Variants in KCNIP4 observed in about 807,000 individuals in gnomAD.
KCNIP4 encodes the protein potassium voltage-gated channel interacting protein 4.
KCNIP4 carries 12 observed loss-of-function variants against 34.0 expected under a neutral mutation model. That is an observed-to-expected ratio of 0.35 (90% CI 0.23 to 0.57). KCNIP4 has a LOEUF of 0.57. Among genes scored for constraint, KCNIP4 ranks in the 20% least tolerant of loss-of-function variants. KCNIP4 has a pLI of 0.83. For synonymous variants in KCNIP4, 124 were observed against 102.2 expected (o/e 1.21, Z -1.29); for missense variants, 238 against 311.7 (o/e 0.76, Z 1.78).
Position 21,736,884 on chromosome 4 carries a change from T to C in KCNIP4, c.61+211687A>G, listed in dbSNP as rs540580158. On this transcript the variant is annotated intron_variant, in intron 1 of 8. Coordinates refer to ENST00000382152, the MANE Select transcript of KCNIP4 (RefSeq NM_025221.6). ...CTTTGATTTACTAAATATGGTCAGC[T>C]AGAACAGAATTTTCCTTTTGGTTTT... Among the ~76,000 whole-genome samples, 4 of 152,328 alleles carry C rather than the reference T, an allele frequency of 2.6e-5. No individual in the cohort carries two copies. In the South Asian group the frequency reaches 8.3e-4, roughly 32 times the overall value.
chr4:21,587,805 G>A (rs1436058750), intron 1 of KCNIP4, among the ~76,000 whole-genome samples: 3 of 152,024 alleles, frequency 2.0e-5, no homozygotes, highest in Non-Finnish European at 4.4e-5. Context: ...TATTGTCAGA[G>A]TGGGAGGAAA....
chr4:21,637,530 C>G (rs1393105756), intron 1 of KCNIP4, among the ~76,000 whole-genome samples: 1 of 151,948 alleles, frequency 6.6e-6, no homozygotes, highest in Non-Finnish European at 1.5e-5. Flanking sequence ...AGCATGTAAT[C>G]CCAGCACTTT....
intron 3 of KCNIP4, among the ~76,000 whole-genome samples, chr4:20,812,230 A>C (rs902835801): frequency 1.3e-5 from 2 of 152,182 alleles, no homozygotes; most frequent in Non-Finnish European, 2.9e-5. Context: ...GGGAGATTGG[A>C]ATATATTTCC....
chr4:21,485,847 G>A (rs938182903), intron 1 of KCNIP4, among the ~76,000 whole-genome samples: 2 of 152,094 alleles, frequency 1.3e-5, no homozygotes, highest in African/African-American at 4.8e-5. Context: ...TCTAACGAAC[G>A]ACCGTCATAA....
intron 1 of KCNIP4, among the ~76,000 whole-genome samples, chr4:21,295,093 G>T (rs1018911145): frequency 4.6e-5 from 7 of 152,106 alleles, no homozygotes; most frequent in Admixed American, 1.3e-4. Flanking sequence ...TATAAGTGTG[G>T]TATATATCCC....
At chr4:20,904,358 T>C (rs1442087684) in intron 1 of KCNIP4, among the ~76,000 whole-genome samples, 1 of 148,446 alleles carries the variant, frequency 6.7e-6, no homozygotes, top group Non-Finnish European at 1.5e-5. Context: ...TACAGATATA[T>C]AGATATATAT....
At chr4:21,760,957 T>G (rs371966407) in intron 1 of KCNIP4, among the ~76,000 whole-genome samples, 41 of 152,296 alleles carry the variant, frequency 2.7e-4, no homozygotes, top group African/African-American at 9.4e-4. Context: ...TAGGTGCTTA[T>G]GAGTCTGATA....
intron 1 of KCNIP4, among the ~76,000 whole-genome samples, chr4:21,691,544 C>A (rs145663354): frequency 1.3e-5 from 2 of 152,020 alleles, no homozygotes; most frequent in Non-Finnish European, 2.9e-5. Flanking sequence ...AGATCACAAT[C>A]GATGTATAAT....
intron 1 of KCNIP4, among the ~76,000 whole-genome samples, chr4:20,939,318 G>A (rs968007704): frequency 5.3e-5 from 8 of 151,904 alleles, no homozygotes; most frequent in Non-Finnish European, 1.0e-4. Context: ...CCAGATTTCC[G>A]ATGCTTCCCT....
chr4:21,584,830 G>A (rs1032082085), intron 1 of KCNIP4, among the ~76,000 whole-genome samples: 2 of 152,052 alleles, frequency 1.3e-5, no homozygotes, highest in Non-Finnish European at 2.9e-5. Context: ...AGAAAAGTGC[G>A]AATTTGAAGG....
chr4:21,612,156 TA>T (rs1035729422), intron 1 of KCNIP4, among the ~76,000 whole-genome samples: 54 of 152,170 alleles, frequency 3.5e-4, no homozygotes, highest in African/African-American at 1.0e-3. Context: ...TGATTTTTTT[TA>T]AAAAAAGGAG....
At chr4:21,065,482 T>C (rs927570256) in intron 1 of KCNIP4, among the ~76,000 whole-genome samples, 7 of 152,026 alleles carry the variant, frequency 4.6e-5, no homozygotes, top group Non-Finnish European at 8.8e-5. Context: ...GTATCTCAAA[T>C]ACTAAAAAAA....
At chr4:21,893,808 C>T (rs116224131) in intron 1 of KCNIP4, among the ~76,000 whole-genome samples, 1,859 of 152,182 alleles carry the variant, frequency 0.012, 46 homozygotes, top group African/African-American at 0.043. Flanking sequence ...GCTGTAGTTG[C>T]ATGGTATTTT....
chr4:21,014,199 G>C (rs1739300103), intron 1 of KCNIP4, among the ~76,000 whole-genome samples: 1 of 152,132 alleles, frequency 6.6e-6, no homozygotes, highest in South Asian at 2.1e-4. Context: ...AACATGATCA[G>C]GATTTATCTT....
intron 1 of KCNIP4, among the ~76,000 whole-genome samples, chr4:21,938,738 C>T (rs752928225): frequency 6.6e-5 from 10 of 152,158 alleles, no homozygotes; most frequent in African/African-American, 2.4e-4. Flanking sequence ...GTATTTAGCA[C>T]GTGGCTTTGA....
intron 1 of KCNIP4, among the ~76,000 whole-genome samples, chr4:21,775,316 G>C (rs1033337191): frequency 2.6e-5 from 4 of 152,130 alleles, no homozygotes; most frequent in Non-Finnish European, 5.9e-5. Context: ...GGCTGGAAAA[G>C]AGCAAAGATG....
At chr4:21,101,080 C>T (rs1301136097) in intron 1 of KCNIP4, among the ~76,000 whole-genome samples, 2 of 152,100 alleles carry the variant, frequency 1.3e-5, no homozygotes, top group African/African-American at 2.4e-5. Flanking sequence ...AACATTGTGC[C>T]TAATAAGTAA....
At chr4:21,699,565 T>G (rs1009665273) in intron 1 of KCNIP4, among the ~76,000 whole-genome samples, 1 of 152,126 alleles carries the variant, frequency 6.6e-6, no homozygotes, top group East Asian at 1.9e-4. Flanking sequence ...AAGAAGGAAC[T>G]GACCGTGAGA....
intron 1 of KCNIP4, among the ~76,000 whole-genome samples, chr4:21,235,582 C>A (rs2109034473): frequency 6.6e-6 from 1 of 152,260 alleles, no homozygotes; most frequent in East Asian, 1.9e-4. Context: ...TAGTATGACC[C>A]ACTCCGTCCT....
Sources: gnomAD v4.1 joint callset for allele counts (sites outside exome capture counted in the v4.1 genomes callset) on GRCh38, gnomAD v4.1.1 for gene constraint, MANE v1.5 for transcripts, NCBI Gene and HGNC (gene_info 2026-07-23, HGNC 2026-07-21) for gene names.